PTPRM: variants seen among roughly 807,000 people sequenced by gnomAD.
PTPRM encodes receptor-type tyrosine-protein phosphatase mu.
PTPRM carries 47 observed loss-of-function variants against 186.7 expected under a neutral mutation model. The observed-to-expected ratio is 0.25, with a 90% CI of 0.20 to 0.32. The LOEUF is 0.32. Ranked by LOEUF, PTPRM falls within the 10% of genes least tolerant of loss-of-function variation. PTPRM has a pLI of 1.00. For missense variants in PTPRM, 1,494 were observed against 1,865.0 expected (o/e 0.80, Z 3.66); for synonymous variants, 668 against 674.9 (o/e 0.99, Z 0.16).
chr18:7,694,929 G>T (rs938787298), intron 1 of PTPRM, among the ~76,000 whole-genome samples: 1 of 152,126 alleles, frequency 6.6e-6, no homozygotes, highest in Non-Finnish European at 1.5e-5. Flanking sequence ...GCTTACTGAC[G>T]ACTTACTACA....
At position 8,388,398 on chromosome 18, in the gene PTPRM, G is replaced by T. The variant is rs1221699884; in HGVS notation, c.4208+1163G>T. 2.0e-5 allele frequency among the ~76,000 whole-genome samples: 3 copies of T among 152,158 alleles called. No individual in the cohort carries two copies. The East Asian group carries it at 5.8e-4, about 29-fold the overall frequency. ...GGGCGTGGGTTACTCTCCAGTCAGT[G>T]CCCTTGTCTGATGCAATGCCACCTC... On this transcript the variant is annotated intron_variant, in intron 31 of 32. Transcript: ENST00000580170.
At chr18:7,979,314 C>A (rs1477674490) in intron 7 of PTPRM, among the ~76,000 whole-genome samples, 1 of 152,130 alleles carries the variant, frequency 6.6e-6, no homozygotes, top group African/African-American at 2.4e-5. Context: ...ATATGGGTTT[C>A]TATGTACATA....
chr18:7,904,589 A>G (rs571053342), intron 3 of PTPRM, among the ~76,000 whole-genome samples: 13 of 152,350 alleles, frequency 8.5e-5, no homozygotes, highest in African/African-American at 1.2e-4. Flanking sequence ...TGTTAGGTAC[A>G]TCATTAATTT....
At chr18:8,063,304 C>T (rs1167747214) in intron 7 of PTPRM, among the ~76,000 whole-genome samples, 7 of 150,878 alleles carry the variant, frequency 4.6e-5, no homozygotes, top group African/African-American at 1.7e-4. Flanking sequence ...CAATGCCTCG[C>T]CCTGCTTCGG....
chr18:7,857,943 A>G (rs1027034967), intron 2 of PTPRM, among the ~76,000 whole-genome samples: 3 of 152,288 alleles, frequency 2.0e-5, no homozygotes, highest in African/African-American at 7.2e-5. Flanking sequence ...GCTTACTTTA[A>G]TGGCTTTCTT....
chr18:8,043,291 A>C (rs1305433731), intron 7 of PTPRM, among the ~76,000 whole-genome samples: 4 of 152,152 alleles, frequency 2.6e-5, no homozygotes, highest in Admixed American at 2.0e-4. Flanking sequence ...CGCAGATTCT[A>C]GTCCCTGCCT....
intron 2 of PTPRM, among the ~76,000 whole-genome samples, chr18:7,881,269 T>C (rs374365083): frequency 2.8e-4 from 42 of 152,174 alleles, no homozygotes; most frequent in African/African-American, 9.9e-4. Context: ...ACCCCGTCTC[T>C]ACTAAAAATA....
intron 13 of PTPRM, among the ~76,000 whole-genome samples, chr18:8,123,672 A>C (rs889020834): frequency 3.9e-5 from 6 of 152,148 alleles, no homozygotes; most frequent in Non-Finnish European, 8.8e-5. Flanking sequence ...CCCACAAGTA[A>C]AAGTATTTGA....
Position 8,248,144 on chromosome 18 carries a change from T to G in PTPRM, c.2528-6T>G, listed in dbSNP as rs1340269694. 1 of 1,530,884 alleles carries G rather than the reference T, an allele frequency of 6.5e-7. No homozygotes were observed. Among genetic ancestry groups the G allele is most frequent in the Non-Finnish European group, 9.1e-7 (1 of 1,104,336 alleles). 94.8% of individuals were successfully genotyped at this position (1,530,884 alleles called of 1,614,324 possible). ...TCTGCATTGACCTGCTTACGGTGTA[T>G]GACAGACCCATTTGTGCCAACTGCA... On this transcript the variant is annotated splice_polypyrimidine_tract_variant and splice_region_variant and intron_variant, in intron 16 of 32. Transcript: ENST00000580170.
intron 5 of PTPRM, among the ~76,000 whole-genome samples, chr18:7,946,379 C>T (rs1021637679): frequency 6.6e-6 from 1 of 152,316 alleles, no homozygotes; most frequent in East Asian, 1.9e-4. Context: ...CCTAAGGCCT[C>T]TTTGGTTGTT....
At chr18:8,176,233 A>G (rs1335704336) in intron 14 of PTPRM, among the ~76,000 whole-genome samples, 2 of 151,910 alleles carry the variant, frequency 1.3e-5, no homozygotes, top group African/African-American at 2.4e-5. Flanking sequence ...GAGAGAGTAC[A>G]GTTAGACATA....
intron 29 of PTPRM, among the ~76,000 whole-genome samples, chr18:8,383,294 C>A (rs2095749560): frequency 3.0e-5 from 1 of 33,634 alleles, no homozygotes. Context: ...GAGCTTCTGC[C>A]TCAAAAAAAA....
At chr18:8,341,571 C>T (rs964821452) in intron 22 of PTPRM, among the ~76,000 whole-genome samples, 6 of 152,088 alleles carry the variant, frequency 3.9e-5, no homozygotes, top group South Asian at 2.1e-4. Flanking sequence ...TTCCTGCAGG[C>T]ACAAGCTGTC....
chr18:7,637,152 A>G (rs2038332792), intron 1 of PTPRM, among the ~76,000 whole-genome samples: 1 of 143,568 alleles, frequency 7.0e-6, no homozygotes, highest in African/African-American at 2.7e-5. Flanking sequence ...TGGGTGACAG[A>G]GCGAGACCCT....
At chr18:7,657,925 A>C (rs184238981) in intron 1 of PTPRM, among the ~76,000 whole-genome samples, 68 of 152,282 alleles carry the variant, frequency 4.5e-4, no homozygotes, top group African/African-American at 1.5e-3. Context: ...TATAACTAGC[A>C]AATAAAAATT....
intron 14 of PTPRM, among the ~76,000 whole-genome samples, chr18:8,157,623 T>G (rs959152371): frequency 2.6e-5 from 4 of 152,212 alleles, no homozygotes; most frequent in South Asian, 2.1e-4. Context: ...TCTTCAGCCA[T>G]GCTCAGCCAC....
intron 1 of PTPRM, among the ~76,000 whole-genome samples, chr18:7,651,234 A>G (rs1278975491): frequency 6.6e-6 from 1 of 152,146 alleles, no homozygotes; most frequent in Non-Finnish European, 1.5e-5. Flanking sequence ...AGATGAGAGG[A>G]AGCCCATGTG....
At chr18:8,335,575 TA>T (rs753547573) in intron 22 of PTPRM, among the ~76,000 whole-genome samples, 4 of 152,326 alleles carry the variant, frequency 2.6e-5, no homozygotes, top group Admixed American at 1.3e-4. Flanking sequence ...AGGATTGGTG[TA>T]ATTAAGATAA....
At chr18:7,774,814 T>C (rs565630231) in intron 2 of PTPRM, among the ~76,000 whole-genome samples, 3 of 152,232 alleles carry the variant, frequency 2.0e-5, no homozygotes, top group Non-Finnish European at 4.4e-5. Flanking sequence ...TGTGTTCCAC[T>C]GAACACCAAA....
Sources: allele counts gnomAD v4.1 joint callset (sites outside exome capture counted in the v4.1 genomes callset), GRCh38; gene constraint gnomAD v4.1.1; transcripts MANE v1.5; gene names NCBI Gene and HGNC (gene_info 2026-07-23, HGNC 2026-07-21).